The following GLI3 variants were observed in gnomAD, a reference collection of about 807,000 sequenced individuals.
GLI3 encodes transcription activator GLI3.
GLI3 carries 20 observed loss-of-function variants against 100.8 expected under a neutral mutation model. The observed-to-expected ratio is 0.20, with a 90% CI of 0.14 to 0.29. The LOEUF is 0.29. Among genes scored for constraint, GLI3 ranks in the 10% least tolerant of loss-of-function variants. The pLI is 1.00. For missense variants in GLI3, 2,040 were observed against 2,128.5 expected, an observed-to-expected ratio of 0.96 and a Z score of 0.82; for synonymous variants, 938 against 860.5, an observed-to-expected ratio of 1.09 and a Z score of -1.58.
At chr7:42,214,862 TA>T (rs34437341) in intron 2 of GLI3, among the ~76,000 whole-genome samples, 51,060 of 118,888 alleles carry the variant, frequency 0.43, 9,833 homozygotes, top group East Asian at 0.7. Context: ...CACTGGATGC[TA>T]AAAAAAAAAA....
chr7:42,246,750 G>A (rs1040431812), intron 1 of GLI3, among the ~76,000 whole-genome samples: 15 of 149,652 alleles, frequency 1.0e-4, no homozygotes, highest in African/African-American at 2.5e-4. Flanking sequence ...TGTTATTTTC[G>A]GCGGTTGGTA....
At chr7:42,172,500 G>A (rs1787394540) in intron 2 of GLI3, 2 of 694,232 alleles carry the variant, frequency 2.9e-6, no homozygotes, top group Non-Finnish European at 5.3e-6. Context: ...GAATAAAGTG[G>A]TCTTGCAATC....
At chr7:42,257,755 AT>A (rs1789100179) in intron 1 of GLI3, among the ~76,000 whole-genome samples, 1 of 152,052 alleles carries the variant, frequency 6.6e-6, no homozygotes, top group Non-Finnish European at 1.5e-5. Context: ...TAAAAAAAAA[AT>A]CATGAATGGA....
Position 41,964,201 on chromosome 7 carries a change from C to A in GLI3, c.*129G>T, listed in dbSNP as rs1295390263. 2.8e-6 allele frequency: 2 copies of A among 709,904 alleles called. No individual in the cohort carries two copies. Among genetic ancestry groups the A allele is most frequent in the Non-Finnish European group, 4.8e-6 (2 of 415,280 alleles). The allele number at this position is 709,904 out of a possible 1,614,324, so 44.0% of individuals were successfully genotyped here. A position where few individuals can be genotyped will look rare whatever the true frequency, so the allele number is the denominator to read the frequency against. On this transcript the variant is annotated 3_prime_UTR_variant, in exon 15 of 15. Coordinates refer to ENST00000395925, the MANE Select transcript of GLI3 (RefSeq NM_000168.6). ...TTCCATAAAAGGAATATAATTGAAA[C>A]ACATCTCAGTTAGGTGAGATGAGAT... is the stretch of plus-strand genomic sequence containing the variant.
At chr7:42,201,326 G>C (rs1341939227) in intron 2 of GLI3, among the ~76,000 whole-genome samples, 2 of 152,138 alleles carry the variant, frequency 1.3e-5, no homozygotes, top group Non-Finnish European at 2.9e-5. Context: ...GGTAAGGAGG[G>C]ACTCCTGTAA....
At chr7:42,033,884 G>C (rs1789364855) in intron 7 of GLI3, among the ~76,000 whole-genome samples, 1 of 152,312 alleles carries the variant, frequency 6.6e-6, no homozygotes, top group Non-Finnish European at 1.5e-5. Context: ...ACCCAGCCCA[G>C]CCTCAGAAGT....
At chr7:42,044,773 A>T (rs1350222983) in intron 6 of GLI3, among the ~76,000 whole-genome samples, 2 of 152,200 alleles carry the variant, frequency 1.3e-5, no homozygotes, top group Non-Finnish European at 2.9e-5. Flanking sequence ...GGTATTTTTT[A>T]AAATTAATTT....
intron 1 of GLI3, among the ~76,000 whole-genome samples, chr7:42,255,935 A>C (rs886764772): frequency 6.6e-6 from 1 of 152,188 alleles, no homozygotes; most frequent in Non-Finnish European, 1.5e-5. Context: ...CTGGCAATAC[A>C]TAACGGTTCC....
In GLI3 at chr7:41,961,990, A is replaced by G. The variant is rs1020927702; in HGVS notation, c.*2340T>C. On this transcript the variant is annotated 3_prime_UTR_variant, in exon 15 of 15. Coordinates refer to ENST00000395925, the MANE Select transcript of GLI3 (RefSeq NM_000168.6). ...CAAATATAAAAAAAAAAAGAAATAAAAGAAGAATAGGGGAAACCCAGAAAA... is the reference window on the plus strand; with the variant it reads ...CAAATATAAAAAAAAAAAGAAATAAGAGAAGAATAGGGGAAACCCAGAAAA... 1 of 152,208 alleles carries G rather than the reference A, an allele frequency of 6.6e-6. No individual in the cohort carries two copies. 9.4% of individuals were successfully genotyped at this position (152,208 alleles called of 1,614,324 possible). A position where few individuals can be genotyped will look rare whatever the true frequency, so the allele number is the denominator to read the frequency against.
chr7:41,996,545 G>A (rs1487001481), intron 10 of GLI3, among the ~76,000 whole-genome samples: 1 of 152,160 alleles, frequency 6.6e-6, no homozygotes, highest in East Asian at 1.9e-4. Flanking sequence ...CCAGAGAGAG[G>A]AAAACCTACC....
chr7:42,030,492 T>A (rs566483470), intron 7 of GLI3, among the ~76,000 whole-genome samples: 7 of 152,286 alleles, frequency 4.6e-5, no homozygotes, highest in Non-Finnish European at 8.8e-5. Flanking sequence ...TAAAGCAGTA[T>A]TACACAAACG....
chr7:42,025,764 A>G (rs1015221948), intron 8 of GLI3, among the ~76,000 whole-genome samples: 1 of 152,188 alleles, frequency 6.6e-6, no homozygotes, highest in Non-Finnish European at 1.5e-5. Context: ...TCTCCAAACA[A>G]TATCAAAGTG....
chr7:41,982,350 CA>C (rs1306985395), intron 10 of GLI3, among the ~76,000 whole-genome samples: 1 of 152,190 alleles, frequency 6.6e-6, no homozygotes, highest in Non-Finnish European at 1.5e-5. Context: ...AACTAGATTT[CA>C]AGTGAAAATT....
intron 4 of GLI3, among the ~76,000 whole-genome samples, chr7:42,051,064 A>G (rs1283921430): frequency 2.0e-5 from 3 of 152,162 alleles, no homozygotes; most frequent in Admixed American, 2.0e-4. Flanking sequence ...CACTGAAGGT[A>G]CCTACTAAAC....
chr7:42,049,501 T>C lies in GLI3; in HGVS notation c.474-805A>G, dbSNP rs573951629. 3.9e-5 allele frequency among the ~76,000 whole-genome samples: 6 copies of C among 152,322 alleles called. No individual in the cohort carries two copies. In the South Asian group the frequency reaches 6.2e-4, roughly 16 times the overall value. On this transcript the variant is annotated intron_variant, in intron 4 of 14. Coordinates refer to ENST00000395925, the MANE Select transcript of GLI3 (RefSeq NM_000168.6). ...AACTAAGTGCTCCCGGGTTAGAAAG[T>C]TGGGGAAGAATGCATTTTCAATCAA...
chr7:41,978,860 A>G, intron 10 of GLI3, 112 bp from the exon 11 acceptor site: 2 of 922,340 alleles, frequency 2.2e-6, no homozygotes, highest in East Asian at 5.1e-5. Flanking sequence ...AAAGACCACA[A>G]GAATAACTTT....
chr7:42,162,225 AGAG>A (rs1459009888), intron 2 of GLI3, among the ~76,000 whole-genome samples: 1 of 152,182 alleles, frequency 6.6e-6, no homozygotes, highest in Non-Finnish European at 1.5e-5. Context: ...TTACCTTTGT[AGAG>A]GAGGTTTGAA....
intron 1 of GLI3, among the ~76,000 whole-genome samples, chr7:42,246,349 C>G (rs917639939): frequency 2.0e-5 from 3 of 152,172 alleles, no homozygotes; most frequent in Non-Finnish European, 2.9e-5. Flanking sequence ...CCAAACCCAA[C>G]TCCTGGGTTT....
At chr7:42,216,119 G>GTTT (rs1234047929) in intron 2 of GLI3, among the ~76,000 whole-genome samples, 11 of 152,248 alleles carry the variant, frequency 7.2e-5, no homozygotes, top group African/African-American at 1.4e-4. Context: ...TACGTGGTAG[G>GTTT]GATAGGGCTC....
Sources: gnomAD v4.1 joint callset for allele counts (sites outside exome capture counted in the v4.1 genomes callset) on GRCh38, gnomAD v4.1.1 for gene constraint, MANE v1.5 for transcripts, NCBI Gene and HGNC (gene_info 2026-07-23, HGNC 2026-07-21) for gene names.